Variants in DNAH11 observed in about 807,000 individuals in gnomAD.
DNAH11 encodes axonemal beta dynein heavy chain 11.
Under a neutral mutation model 526.0 loss-of-function variants are expected in DNAH11, and 442 were observed. That is an observed-to-expected ratio of 0.84 (90% CI 0.78 to 0.91). DNAH11 has a LOEUF of 0.91. DNAH11 is among the 40% of genes least tolerant of loss of function. The pLI is 0.00. For missense variants in DNAH11, 6,989 were observed against 5,448.7 expected (o/e 1.28, Z -8.90); for synonymous variants, 2,461 against 1,935.9 (o/e 1.27, Z -7.12).
intron 43 of DNAH11, among the ~76,000 whole-genome samples, chr7:21,719,373 C>T (rs1290337182): frequency 6.6e-6 from 1 of 152,192 alleles, no homozygotes; most frequent in Non-Finnish European, 1.5e-5. Context: ...TCAGATTACT[C>T]ATTAAAGTAC....
rs768404895 is a variant in DNAH11, at chr7:21,559,785, A to G, written c.875A>G (p.Tyr292Cys). 1.6e-5 allele frequency: 26 copies of G among 1,595,348 alleles called. No individual in the cohort carries two copies. In the Middle Eastern group the frequency reaches 5.0e-4, roughly 30 times the overall value. Reference protein sequence around the residue: ...MMRRENLSCIYDQLQAPVVLK... With the variant: ...MMRRENLSCICDQLQAPVVLK... ...AGGAGAGAAAATCTGTCATGCATTTATGATCAAGTAAGTAGATAGCCCTAG... is the reference window on the plus strand; with the variant it reads ...AGGAGAGAAAATCTGTCATGCATTTGTGATCAAGTAAGTAGATAGCCCTAG... The change falls in exon 4 of 82, where the codon TAT becomes TGT. Residue 292 changes from tyrosine (Y) to cysteine (C), a missense_variant. Coordinates refer to ENST00000409508, the MANE Select transcript of DNAH11 (RefSeq NM_001277115.2).
At chr7:21,702,618 C>A in intron 36 of DNAH11, 92 bp from the exon 37 acceptor site, 1 of 982,000 alleles carries the variant, frequency 1.0e-6, no homozygotes, top group Non-Finnish European at 1.6e-6. Flanking sequence ...TTTATCTGAA[C>A]TCCTTCTTAA....
rs771484145 is a variant in DNAH11 at position 21,638,981 on chromosome 7, C to G, written c.4860C>G (p.Thr1620=). The G allele has an allele frequency of 1.9e-6, 3 of 1,613,140 alleles. No individual in the cohort carries two copies. The highest frequency in any genetic ancestry group is 1.7e-5 in the Admixed American group (1 of 59,874). Residue 1620 remains threonine (T), a synonymous_variant, in exon 28 of 82, where the codon ACC becomes ACG. Coordinates refer to ENST00000409508, the MANE Select transcript of DNAH11 (RefSeq NM_001277115.2). The part of the protein sequence containing the change: ...CEKALAEYLE[T]KRIAFPRFYF... ...AAGCTCTCGCTGAATACCTGGAAAC[C>G]AAGCGCATAGCCTTTCCTCGCTTCT...
At position 21,816,203 on chromosome 7, in the gene DNAH11, GTC is replaced by G. The variant is rs573875981; in HGVS notation, c.10333-257_10333-256del. On this transcript the variant is annotated intron_variant, in intron 63 of 81. Coordinates refer to ENST00000409508, the MANE Select transcript of DNAH11 (RefSeq NM_001277115.2). ...CACTCTTACCTAAGTGTGGGGCAAA[GTC>G]TCTCTCAGTTGAAGCCCAGTAGATG... is the stretch of plus-strand genomic sequence containing the variant. Among the ~76,000 whole-genome samples the G allele has an allele frequency of 4.6e-3, 707 of 152,254 alleles. 6 individuals are homozygous for G. The highest frequency in any genetic ancestry group is 0.016 in the African/African-American group (685 of 41,548).
rs1276359455 is a variant in DNAH11, at chr7:21,570,238, T to C, written c.1364T>C (p.Phe455Ser). ...GGAAGAAAGCTGAGACCATGGGATT[T>C]CCAGTCTCATCTGGTGTTTTGCAGA... ...FMGRKLRPWD[F>S]QSHLVFCRFD... is the part of the protein sequence containing the mutation. The change falls in exon 7 of 82, where the codon TTC (phenylalanine) becomes TCC (serine). Residue 455 changes from phenylalanine (F) to serine (S), a missense_variant. Transcript: ENST00000409508. The C allele has an allele frequency of 6.2e-7, 1 of 1,613,374 alleles. No homozygotes were observed. Among genetic ancestry groups the C allele is most frequent in the East Asian group, 2.2e-5 (1 of 44,870 alleles).
chr7:21,667,517 T>C (rs1369519922), intron 30 of DNAH11, among the ~76,000 whole-genome samples: 1 of 152,166 alleles, frequency 6.6e-6, no homozygotes, highest in Non-Finnish European at 1.5e-5. Context: ...TTACCACCTC[T>C]GCTTTAGAGA....
At chr7:21,765,201 T>A (rs1440297469) in intron 54 of DNAH11, among the ~76,000 whole-genome samples, 1 of 145,028 alleles carries the variant, frequency 6.9e-6, no homozygotes, top group African/African-American at 2.5e-5. Flanking sequence ...AGACAAGTTT[T>A]AAGGAAAGTA....
chr7:21,842,354 A>G (rs982411714), intron 65 of DNAH11, among the ~76,000 whole-genome samples, 190 bp from the exon 66 acceptor site: 1 of 152,228 alleles, frequency 6.6e-6, no homozygotes, highest in Non-Finnish European at 1.5e-5. Flanking sequence ...AGGAAACTAA[A>G]TCATATAGAG....
chr7:21,558,738 CAAG>C (rs1373993691), intron 2 of DNAH11, 61 bp from the exon 3 acceptor site: 2 of 1,309,564 alleles, frequency 1.5e-6, no homozygotes, highest in African/African-American at 1.5e-5. Context: ...TTTTGTACGA[CAAG>C]AAAATCTTTG....
At chr7:21,655,292 CA>C (rs1781966817) in intron 28 of DNAH11, among the ~76,000 whole-genome samples, 1 of 152,090 alleles carries the variant, frequency 6.6e-6, no homozygotes, top group Non-Finnish European at 1.5e-5. Flanking sequence ...TTAATTTCCT[CA>C]TCAATGAAAA....
chr7:21,724,017 G>A (rs1275768801), intron 44 of DNAH11, among the ~76,000 whole-genome samples: 1 of 152,212 alleles, frequency 6.6e-6, no homozygotes, highest in Non-Finnish European at 1.5e-5. Context: ...AACTCTGTGA[G>A]AGGAGAGACT....
At chr7:21,666,921 T>C (rs1299353632) in intron 30 of DNAH11, among the ~76,000 whole-genome samples, 1 of 152,046 alleles carries the variant, frequency 6.6e-6, no homozygotes, top group East Asian at 1.9e-4. Flanking sequence ...AACATAGTGT[T>C]CCTAGAAATA....
chr7:21,717,159 G>A (rs1241142554), intron 42 of DNAH11, among the ~76,000 whole-genome samples: 2 of 151,490 alleles, frequency 1.3e-5, no homozygotes, highest in African/African-American at 4.9e-5. Context: ...ATACATTAAG[G>A]ATATTTAATG....
chr7:21,820,900 A>T (rs1198109727), intron 65 of DNAH11, among the ~76,000 whole-genome samples: 2 of 152,206 alleles, frequency 1.3e-5, no homozygotes, highest in Admixed American at 6.6e-5. Flanking sequence ...ATGTGATCAG[A>T]TGAATGTTTC....
At chr7:21,867,554 C>A (rs2128034693) in intron 71 of DNAH11, among the ~76,000 whole-genome samples, 2 of 152,192 alleles carry the variant, frequency 1.3e-5, no homozygotes, top group Middle Eastern at 3.4e-3. Context: ...ATGGGGGAAT[C>A]TGGCAGGGGA....
intron 55 of DNAH11, among the ~76,000 whole-genome samples, chr7:21,768,021 G>C (rs894459753): frequency 5.3e-5 from 8 of 152,048 alleles, no homozygotes; most frequent in African/African-American, 1.9e-4. Flanking sequence ...AGCACCCAGG[G>C]GTACGGGTTG....
At chr7:21,764,453 T>C (rs1787081750) in intron 54 of DNAH11, among the ~76,000 whole-genome samples, 2 of 150,808 alleles carry the variant, frequency 1.3e-5, no homozygotes, top group African/African-American at 4.9e-5. Flanking sequence ...GTCTGAGCCA[T>C]TTCTAGAGAA....
chr7:21,867,976 G>C lies in DNAH11; in HGVS notation c.11808G>C (p.Gly3936=), dbSNP rs1351941248. 6.4e-7 allele frequency: 1 copy of C among 1,559,220 alleles called. No homozygotes were observed. Among genetic ancestry groups the C allele is most frequent in the Admixed American group, 1.9e-5 (1 of 52,724 alleles). ...CCATATTCTTCATCCTGTCTCCGGG[G>C]GTAGATGCCCTTAAAGACCTGGAGA... ...ATPIFFILSP[G]VDALKDLEIL... Residue 3936 remains glycine, a synonymous_variant, in exon 72 of 82, where the codon GGG becomes GGC. Transcript: ENST00000409508.
intron 72 of DNAH11, 93 bp from the exon 73 acceptor site, chr7:21,868,771 G>A: frequency 6.7e-7 from 1 of 1,496,356 alleles, no homozygotes; most frequent in Non-Finnish European, 9.1e-7. Context: ...GATGGCTGCG[G>A]TGACCACAGA....
Sources: allele counts gnomAD v4.1 joint callset (sites outside exome capture counted in the v4.1 genomes callset), GRCh38; gene constraint gnomAD v4.1.1; transcripts MANE v1.5; gene names NCBI Gene and HGNC (gene_info 2026-07-23, HGNC 2026-07-21).